Variants in ATAD2B observed in about 807,000 individuals in gnomAD.
The protein encoded by ATAD2B is ATPase family AAA domain containing 2B.
In ATAD2B, 40 loss-of-function variants were observed where a neutral mutation model predicts 167.6. The observed-to-expected ratio is 0.24, with a 90% CI of 0.19 to 0.31. ATAD2B has a LOEUF of 0.31. ATAD2B is among the 10% of genes least tolerant of loss of function. The pLI, the probability that ATAD2B is intolerant of heterozygous loss-of-function variation, is 1.00. For synonymous variants in ATAD2B, 579 were observed against 596.5 expected (o/e 0.97, Z 0.43); for missense variants, 1,242 against 1,757.2 (o/e 0.71, Z 5.24).
chr2:23,807,638 C>T (rs1684641563), intron 18 of ATAD2B, among the ~76,000 whole-genome samples: 1 of 151,398 alleles, frequency 6.6e-6, no homozygotes, highest in African/African-American at 2.4e-5. Context: ...AACATGGTGA[C>T]ACACCGTCTC....
chr2:23,828,842 C>T lies in ATAD2B; in HGVS notation c.1819+7G>A, dbSNP rs765710050. The T allele has an allele frequency of 1.9e-6, 3 of 1,591,650 alleles. No homozygotes were observed. The African/African-American group carries it at 4.0e-5, about 21-fold the overall frequency. On this transcript the variant is annotated splice_region_variant and intron_variant, in intron 15 of 27. Coordinates refer to ENST00000238789, the MANE Select transcript of ATAD2B (RefSeq NM_017552.4). Reference sequence around the variant, plus strand: ...GACAATCAAAAAATTCAAACAGTAACACTCACCAACACATTTTTCAGCCAA... The same window carrying T: ...GACAATCAAAAAATTCAAACAGTAATACTCACCAACACATTTTTCAGCCAA...
At chr2:23,880,383 T>G (rs1697692382) in intron 7 of ATAD2B, among the ~76,000 whole-genome samples, 1 of 151,916 alleles carries the variant, frequency 6.6e-6, no homozygotes, top group Non-Finnish European at 1.5e-5. Context: ...AGAGATGGGG[T>G]TTCACCATGT....
At chr2:23,694,245 G>A in the ATAD2B span, among the ~76,000 whole-genome samples, 5 of 152,150 alleles carry the variant, frequency 3.3e-5, no homozygotes, top group Admixed American at 1.3e-4. Context: ...TTATTTCAGC[G>A]ATGCCTGGTC....
chr2:23,915,967 C>A (rs1276965181), intron 1 of ATAD2B, among the ~76,000 whole-genome samples: 5 of 152,162 alleles, frequency 3.3e-5, no homozygotes, highest in Admixed American at 3.3e-4. Context: ...TATGCTAAAA[C>A]CCTTACATAA....
intron 25 of ATAD2B, among the ~76,000 whole-genome samples, chr2:23,756,513 G>C (rs904297869): frequency 6.6e-6 from 1 of 152,106 alleles, no homozygotes; most frequent in Non-Finnish European, 1.5e-5. Flanking sequence ...ACCTATCCAG[G>C]AAGGAAATGT....
intron 27 of ATAD2B, 22 bp from the exon 28 acceptor site, chr2:23,752,109 ATGT>A: frequency 6.6e-7 from 1 of 1,507,012 alleles, no homozygotes; most frequent in Non-Finnish European, 9.1e-7. Flanking sequence ...AAAAAAATGC[ATGT>A]TATCTATTAA....
intron 22 of ATAD2B, among the ~76,000 whole-genome samples, chr2:23,772,886 C>T (rs1276675874): frequency 5.9e-5 from 9 of 152,190 alleles, no homozygotes; most frequent in East Asian, 1.9e-4. Context: ...CACAAGCATG[C>T]GCCACCACGC....
intron 22 of ATAD2B, among the ~76,000 whole-genome samples, chr2:23,779,123 T>C (rs1289521939): frequency 6.6e-6 from 1 of 151,948 alleles, no homozygotes. Context: ...AAAATTGCTA[T>C]AGTGGCTAAC....
At chr2:23,825,899 TATTA>T (rs1371011700) in intron 15 of ATAD2B, among the ~76,000 whole-genome samples, 2 of 152,224 alleles carry the variant, frequency 1.3e-5, no homozygotes. Flanking sequence ...AACAGCAATG[TATTA>T]TTTATTGATT....
At chr2:23,909,497 T>C (rs1018010377) in intron 1 of ATAD2B, among the ~76,000 whole-genome samples, 3 of 151,968 alleles carry the variant, frequency 2.0e-5, no homozygotes, top group Middle Eastern at 3.4e-3. Context: ...TACATACATA[T>C]ATATTATACA....
At position 23,810,518 on chromosome 2, in the gene ATAD2B, G is replaced by T. The variant is rs751265937; in HGVS notation, c.2268-16C>A. The T allele has an allele frequency of 6.3e-7, 1 of 1,593,598 alleles. No individual in the cohort carries two copies. Among genetic ancestry groups the T allele is most frequent in the Non-Finnish European group, 8.6e-7 (1 of 1,164,706 alleles). ...ATATGGTGACCTGTAATACATGTAA[G>T]ACATAATTATTTCAAAGGCATACAT... On this transcript the variant is annotated splice_polypyrimidine_tract_variant and intron_variant, in intron 17 of 27. Transcript: ENST00000238789.
chr2:23,914,499 C>T (rs533689572), intron 1 of ATAD2B, among the ~76,000 whole-genome samples: 1 of 152,172 alleles, frequency 6.6e-6, no homozygotes, highest in African/African-American at 2.4e-5. Context: ...TAAAGAAAGG[C>T]TATTAAAAAG....
At chr2:23,706,443 G>A in the ATAD2B span, 1 of 1,403,596 alleles carries the variant, frequency 7.1e-7, no homozygotes, top group South Asian at 1.6e-5. Flanking sequence ...CAAGTTGGAA[G>A]TGAAATGCCT....
intron 2 of ATAD2B, among the ~76,000 whole-genome samples, chr2:23,890,978 A>G (rs1030107398): frequency 1.3e-5 from 2 of 152,062 alleles, no homozygotes; most frequent in Non-Finnish European, 2.9e-5. Flanking sequence ...AGGAGACACG[A>G]CATGAAATAC....
At chr2:23,881,525 C>T (rs1281526677) in intron 6 of ATAD2B, among the ~76,000 whole-genome samples, 1 of 151,580 alleles carries the variant, frequency 6.6e-6, no homozygotes, top group African/African-American at 2.4e-5. Context: ...CCACGCCCGG[C>T]TCATTTTTTG....
intron 1 of ATAD2B, among the ~76,000 whole-genome samples, chr2:23,924,352 G>A (rs1295090001): frequency 1.3e-5 from 2 of 152,164 alleles, no homozygotes; most frequent in African/African-American, 4.8e-5. Flanking sequence ...AGACTTTACA[G>A]ACACTGGCAA....
At chr2:23,692,275 C>T in the ATAD2B span, among the ~76,000 whole-genome samples, 1 of 152,246 alleles carries the variant, frequency 6.6e-6, no homozygotes, top group Non-Finnish European at 1.5e-5. Flanking sequence ...TTATTCATAC[C>T]TGGGCTGCCT....
rs1278830178 is a variant in ATAD2B, at chr2:23,783,547, A to C, written c.2974-519T>G. ...GGAGTCATCACAAACATTTAGAGTC[A>C]ATTATATAAGAAAATTAAGTATAGT... On this transcript the variant is annotated intron_variant, in intron 21 of 27. Coordinates refer to ENST00000238789, the MANE Select transcript of ATAD2B (RefSeq NM_017552.4). Among the ~76,000 whole-genome samples, 4 of 152,204 alleles carry C rather than the reference A, an allele frequency of 2.6e-5. No homozygotes were observed. In the East Asian group the frequency reaches 7.7e-4, roughly 29 times the overall value.
At chr2:23,833,462 T>C (rs1689394986) in intron 14 of ATAD2B, among the ~76,000 whole-genome samples, 1 of 152,222 alleles carries the variant, frequency 6.6e-6, no homozygotes, top group Non-Finnish European at 1.5e-5. Flanking sequence ...ATTAGTACAT[T>C]CTTTTAAAAA....
Sources: gnomAD v4.1 joint callset for allele counts (sites outside exome capture counted in the v4.1 genomes callset) on GRCh38, gnomAD v4.1.1 for gene constraint, MANE v1.5 for transcripts, NCBI Gene and HGNC (gene_info 2026-07-23, HGNC 2026-07-21) for gene names.